MINPP1: variants seen among roughly 807,000 people sequenced by gnomAD.
MINPP1 encodes multiple inositol-polyphosphate phosphatase 1.
In MINPP1, 28 loss-of-function variants were observed where a neutral mutation model predicts 46.1. The ratio of observed to expected loss-of-function variants is 0.61; its 90% CI spans 0.45 to 0.83. The LOEUF (loss-of-function observed/expected upper bound fraction) is 0.83. Among genes scored for constraint, MINPP1 ranks in the 40% least tolerant of loss-of-function variants. MINPP1 has a pLI of 0.00. For synonymous variants in MINPP1, 268 were observed against 249.1 expected (o/e 1.08, Z -0.72); for missense variants, 603 against 610.0 (o/e 0.99, Z 0.12).
At chr10:87,525,598 C>T (rs1168016596) in intron 4 of MINPP1, among the ~76,000 whole-genome samples, 1 of 152,008 alleles carries the variant, frequency 6.6e-6, no homozygotes, top group Admixed American at 6.6e-5. Flanking sequence ...GCACAATGTG[C>T]AGGTTTGTTA....
chr10:87,537,511 TTGTGTGTGTGTGTGTGTG>T (rs1554853571), intron 4 of MINPP1, among the ~76,000 whole-genome samples: 1 of 85,106 alleles, frequency 1.2e-5, no homozygotes, highest in Non-Finnish European at 3.4e-5. Context: ...TTATTACTGT[TTGTGTGTGTGTGTGTGTG>T]TGTGTGTGTG....
At chr10:87,517,441 T>C (rs1386088619) in intron 3 of MINPP1, among the ~76,000 whole-genome samples, 4 of 152,122 alleles carry the variant, frequency 2.6e-5, no homozygotes, top group African/African-American at 9.7e-5. Flanking sequence ...TGTATTATCA[T>C]GGTGGGGGCA....
At chr10:87,508,245 G>C in intron 1 of MINPP1, 91 bp from the exon 2 acceptor site, 3 of 1,564,614 alleles carry the variant, frequency 1.9e-6, no homozygotes, top group Non-Finnish European at 2.6e-6. Flanking sequence ...AGATGTTAGT[G>C]TTCCTTTTTC....
chr10:87,534,524 T>C (rs970132438), intron 4 of MINPP1, among the ~76,000 whole-genome samples: 1 of 151,984 alleles, frequency 6.6e-6, no homozygotes, highest in Non-Finnish European at 1.5e-5. Context: ...CACAATTATT[T>C]TACCTTTGTA....
intron 4 of MINPP1, among the ~76,000 whole-genome samples, chr10:87,551,190 G>T (rs143595294): frequency 5.1e-4 from 77 of 152,102 alleles, no homozygotes; most frequent in African/African-American, 1.9e-3. Flanking sequence ...GTGTTTGTGT[G>T]TGTTGGGGGC....
intron 4 of MINPP1, among the ~76,000 whole-genome samples, chr10:87,550,698 G>T (rs1229314830): frequency 6.6e-6 from 1 of 151,768 alleles, no homozygotes; most frequent in Admixed American, 6.6e-5. Context: ...AAGTATGATG[G>T]GTTGTTTTCT....
At chr10:87,526,526 C>G (rs1851579256) in intron 4 of MINPP1, among the ~76,000 whole-genome samples, 1 of 152,182 alleles carries the variant, frequency 6.6e-6, no homozygotes, top group African/African-American at 2.4e-5. Context: ...GGTTCTTTTG[C>G]CGTGCAGAAG....
intron 4 of MINPP1, among the ~76,000 whole-genome samples, chr10:87,538,532 G>T (rs1261263111): frequency 6.6e-6 from 1 of 152,206 alleles, no homozygotes; most frequent in Non-Finnish European, 1.5e-5. Context: ...AGTGGAAACT[G>T]TTTCAGTGTA....
At chr10:87,533,689 A>C (rs1053251046) in intron 4 of MINPP1, among the ~76,000 whole-genome samples, 1 of 151,724 alleles carries the variant, frequency 6.6e-6, no homozygotes, top group Non-Finnish European at 1.5e-5. Context: ...AAATACCTCA[A>C]CTCTCAGTGT....
intron 4 of MINPP1, among the ~76,000 whole-genome samples, chr10:87,538,719 A>C (rs894002877): frequency 6.6e-6 from 1 of 152,214 alleles, no homozygotes; most frequent in African/African-American, 2.4e-5. Context: ...CTGGCAGTTC[A>C]TGTTGCTTAT....
intron 3 of MINPP1, among the ~76,000 whole-genome samples, chr10:87,519,414 T>C (rs151140582): frequency 2.7e-3 from 410 of 152,336 alleles, no homozygotes; most frequent in African/African-American, 9.5e-3. Flanking sequence ...ATACTTGAGC[T>C]AAGAGACAGC....
At chr10:87,520,057 A>AGTTGTGTGTGTGTGTGTGT (rs1554852418) in intron 3 of MINPP1, among the ~76,000 whole-genome samples, 7 of 147,364 alleles carry the variant, frequency 4.8e-5, no homozygotes, top group African/African-American at 1.8e-4. Flanking sequence ...TAAAAGGTAT[A>AGTTGTGTGTGTGTGTGTGT]GTGTGTGTGT....
At chr10:87,536,693 T>C (rs1564680515) in intron 4 of MINPP1, among the ~76,000 whole-genome samples, 1 of 152,202 alleles carries the variant, frequency 6.6e-6, no homozygotes, top group Non-Finnish European at 1.5e-5. Flanking sequence ...CTCAACATAG[T>C]GATTGTAAGA....
rs1161713210 is a variant in MINPP1 at position 87,551,989 on chromosome 10, T to TA, written c.1068-86dup. On this transcript the variant is annotated intron_variant, in intron 4 of 4. Coordinates refer to ENST00000371996, the MANE Select transcript of MINPP1 (RefSeq NM_004897.5). Reference sequence around the variant, plus strand: ...AAAAAATAGATGGGATTATTTAAACTAAAAAAAGATGTGGAAGTTACTCCT... The same window carrying TA: ...AAAAAATAGATGGGATTATTTAAACTAAAAAAAAGATGTGGAAGTTACTCCT... 2.3e-5 allele frequency: 23 copies of TA among 990,406 alleles called. No individual in the cohort carries two copies. In the East Asian group the frequency reaches 5.7e-4, roughly 25 times the overall value. The allele number at this position is 990,406 out of a possible 1,614,324, so 61.4% of individuals were successfully genotyped here.
chr10:87,510,066 A>G (rs925752519), intron 2 of MINPP1, among the ~76,000 whole-genome samples: 1 of 152,194 alleles, frequency 6.6e-6, no homozygotes, highest in Non-Finnish European at 1.5e-5. Flanking sequence ...CTACTATCCT[A>G]TTGAATAACT....
intron 4 of MINPP1, among the ~76,000 whole-genome samples, chr10:87,548,464 C>G (rs1851918769): frequency 6.6e-6 from 1 of 152,114 alleles, no homozygotes; most frequent in African/African-American, 2.4e-5. Context: ...AAACTGAGTG[C>G]AGCTTATTTG....
intron 3 of MINPP1, 112 bp downstream of exon 3, chr10:87,513,333 A>G (rs1851363509): frequency 1.3e-6 from 1 of 740,788 alleles, no homozygotes. Flanking sequence ...GTTAGGGAAC[A>G]TAAACTGTTT....
At chr10:87,521,200 T>C (rs765849447) in intron 4 of MINPP1, 31 bp downstream of exon 4, 11 of 1,590,490 alleles carry the variant, frequency 6.9e-6, no homozygotes, top group South Asian at 2.3e-5. Flanking sequence ...GTGAAGTACA[T>C]TTTGAGTTAC....
intron 3 of MINPP1, among the ~76,000 whole-genome samples, chr10:87,517,623 T>C (rs1471673977): frequency 6.6e-6 from 1 of 152,258 alleles, no homozygotes; most frequent in Non-Finnish European, 1.5e-5. Flanking sequence ...ATGAATATTT[T>C]ACAGTTTATT....
Sources: gnomAD v4.1 joint callset for allele counts (sites outside exome capture counted in the v4.1 genomes callset) on GRCh38, gnomAD v4.1.1 for gene constraint, MANE v1.5 for transcripts, NCBI Gene and HGNC (gene_info 2026-07-23, HGNC 2026-07-21) for gene names.